PTPRD: variants seen among roughly 807,000 people sequenced by gnomAD.
PTPRD encodes the protein receptor-type tyrosine-protein phosphatase delta.
Under a neutral mutation model 214.5 loss-of-function variants are expected in PTPRD, and 34 were observed. The observed-to-expected ratio is 0.16, with a 90% CI of 0.12 to 0.21. PTPRD has a LOEUF of 0.21. Among genes scored for constraint, PTPRD ranks in the 10% least tolerant of loss-of-function variants. The pLI, the probability that PTPRD is intolerant of heterozygous loss-of-function variation, is 1.00. For synonymous variants in PTPRD, 1,128 were observed against 845.7 expected (o/e 1.33, Z -5.79); for missense variants, 2,545 against 2,398.7 (o/e 1.06, Z -1.27).
chr9:8,807,155 G>T (rs1055995389), intron 11 of PTPRD, among the ~76,000 whole-genome samples: 1 of 152,052 alleles, frequency 6.6e-6, no homozygotes, highest in Admixed American at 6.6e-5. Context: ...TGGGTAACAC[G>T]GTGAAACCCC....
chr9:10,125,764 G>A lies in PTPRD; in HGVS notation c.-544-91974C>T, dbSNP rs2098814647. Among the ~76,000 whole-genome samples the A allele has an allele frequency of 2.0e-5, 3 of 151,946 alleles. No homozygotes were observed. In the South Asian group the frequency reaches 6.2e-4, roughly 31 times the overall value. ...CCCAAAGTGCTGGGATTATAGGCGT[G>A]AGCCACCGCACCCATCTTCTTTTTA... On this transcript the variant is annotated intron_variant, in intron 3 of 45. Coordinates refer to ENST00000381196, the MANE Select transcript of PTPRD (RefSeq NM_002839.4).
chr9:8,445,641 T>C (rs2095695458), intron 34 of PTPRD, among the ~76,000 whole-genome samples: 3 of 152,228 alleles, frequency 2.0e-5, no homozygotes, highest in African/African-American at 4.8e-5. Context: ...CCTATCAGAC[T>C]GTTTATCCTG....
chr9:9,237,856 C>T (rs2099967898), intron 9 of PTPRD, among the ~76,000 whole-genome samples: 1 of 152,106 alleles, frequency 6.6e-6, no homozygotes. Flanking sequence ...ATGAGGTTAA[C>T]AGGGCACTTC....
chr9:9,496,913 C>G (rs1023351214), intron 8 of PTPRD, among the ~76,000 whole-genome samples: 9 of 152,014 alleles, frequency 5.9e-5, no homozygotes, highest in Non-Finnish European at 1.2e-4. Flanking sequence ...TATCATTCAG[C>G]CTTAAAAAGG....
chr9:8,632,207 T>C (rs2096276253), intron 14 of PTPRD, among the ~76,000 whole-genome samples: 1 of 151,386 alleles, frequency 6.6e-6, no homozygotes, highest in Non-Finnish European at 1.5e-5. Flanking sequence ...ACATTACTAA[T>C]TACTGCTGGC....
At chr9:9,838,021 T>C (rs577228536) in intron 5 of PTPRD, among the ~76,000 whole-genome samples, 95 of 152,262 alleles carry the variant, frequency 6.2e-4, no homozygotes, top group Non-Finnish European at 1.2e-3. Flanking sequence ...ACACGGTGTT[T>C]GGTTTTGTGT....
At chr9:8,454,840 G>T (rs944488912) in intron 33 of PTPRD, among the ~76,000 whole-genome samples, 1 of 151,778 alleles carries the variant, frequency 6.6e-6, no homozygotes, top group African/African-American at 2.4e-5. Context: ...GTGTGTGTGT[G>T]TGTGTGTGAA....
intron 14 of PTPRD, among the ~76,000 whole-genome samples, chr9:8,536,027 G>C (rs2076849912): frequency 6.6e-6 from 1 of 151,838 alleles, no homozygotes; most frequent in Non-Finnish European, 1.5e-5. Flanking sequence ...CCTTATTAGA[G>C]TTCCTTGAGG....
At chr9:9,414,183 G>T (rs955822467) in intron 8 of PTPRD, among the ~76,000 whole-genome samples, 4 of 152,200 alleles carry the variant, frequency 2.6e-5, no homozygotes, top group African/African-American at 4.8e-5. Flanking sequence ...TGCCTGAAAG[G>T]CAATAATTCT....
At chr9:8,492,248 T>C (rs1010126208) in intron 27 of PTPRD, among the ~76,000 whole-genome samples, 1 of 152,174 alleles carries the variant, frequency 6.6e-6, no homozygotes, top group African/African-American at 2.4e-5. Context: ...CAGTTCAAGA[T>C]GGCAGCTCTT....
At chr9:9,917,686 G>C (rs982347509) in intron 5 of PTPRD, among the ~76,000 whole-genome samples, 2 of 151,820 alleles carry the variant, frequency 1.3e-5, no homozygotes, top group African/African-American at 4.8e-5. Flanking sequence ...AGACACAAAA[G>C]TCTTAAACAA....
chr9:9,627,461 C>T lies in PTPRD; in HGVS notation c.-286-52680G>A, dbSNP rs545165060. ...CTAGAGATCAATGAATCAATTTGAA[C>T]TACTTGATGGGATTTTTCTCTAAAA... On this transcript the variant is annotated intron_variant, in intron 7 of 45. Coordinates refer to ENST00000381196, the MANE Select transcript of PTPRD (RefSeq NM_002839.4). Among the ~76,000 whole-genome samples the T allele has an allele frequency of 3.3e-5, 5 of 152,258 alleles. No individual in the cohort carries two copies. In the South Asian group the frequency reaches 1.0e-3, roughly 32 times the overall value.
At chr9:10,299,455 A>G (rs1440470792) in intron 3 of PTPRD, among the ~76,000 whole-genome samples, 2 of 152,166 alleles carry the variant, frequency 1.3e-5, no homozygotes, top group Non-Finnish European at 2.9e-5. Context: ...ACATCTGTAG[A>G]ATTTATAATC....
chr9:9,351,943 C>T (rs2051354660), intron 9 of PTPRD, among the ~76,000 whole-genome samples: 1 of 151,956 alleles, frequency 6.6e-6, no homozygotes, highest in African/African-American at 2.4e-5. Flanking sequence ...GAGCTTCCTC[C>T]ATGAGAATCA....
intron 3 of PTPRD, among the ~76,000 whole-genome samples, chr9:10,089,067 G>C (rs2098397132): frequency 6.6e-6 from 1 of 151,392 alleles, no homozygotes; most frequent in African/African-American, 2.4e-5. Flanking sequence ...AAATTAGCCA[G>C]GCATCATGGT....
chr9:8,640,561 C>CAAAAAAAAAAAAAAAAAA (rs201282830), intron 12 of PTPRD, among the ~76,000 whole-genome samples: 1 of 105,466 alleles, frequency 9.5e-6, no homozygotes, highest in African/African-American at 3.2e-5. Flanking sequence ...AACAAAAAAA[C>CAAAAAAAAAAAAAAAAAA]AAAAAAAAAA....
chr9:8,683,208 C>T (rs2097586222), intron 12 of PTPRD, among the ~76,000 whole-genome samples: 1 of 152,158 alleles, frequency 6.6e-6, no homozygotes, highest in Non-Finnish European at 1.5e-5. Flanking sequence ...GCTGTGGTGT[C>T]TCTCTGAAGG....
At chr9:8,918,188 G>C (rs1474847714) in intron 11 of PTPRD, among the ~76,000 whole-genome samples, 2 of 152,124 alleles carry the variant, frequency 1.3e-5, no homozygotes, top group Non-Finnish European at 2.9e-5. Context: ...ACTGCATTAA[G>C]TGGCCACCTG....
intron 3 of PTPRD, among the ~76,000 whole-genome samples, chr9:10,245,190 C>G (rs900946169): frequency 9.9e-5 from 15 of 152,014 alleles, no homozygotes; most frequent in Non-Finnish European, 1.6e-4. Context: ...TCCAACATAC[C>G]CTGGACCAGT....
Sources: allele counts gnomAD v4.1 joint callset (sites outside exome capture counted in the v4.1 genomes callset), GRCh38; gene constraint gnomAD v4.1.1; transcripts MANE v1.5; gene names NCBI Gene and HGNC (gene_info 2026-07-23, HGNC 2026-07-21).